RHOD: variants seen among roughly 807,000 people sequenced by gnomAD.
RHOD encodes the protein ras homolog family member D.
RHOD carries 11 observed loss-of-function variants against 16.7 expected under a neutral mutation model. That is an observed-to-expected ratio of 0.66 (90% CI 0.41 to 1.09). The LOEUF is 1.09. Ranked by LOEUF, RHOD falls within the 50% of genes least tolerant of loss-of-function variation. RHOD has a pLI of 0.00. For synonymous variants in RHOD, 124 were observed against 126.3 expected, an observed-to-expected ratio of 0.98 and a Z score of 0.12; for missense variants, 271 against 291.7, an observed-to-expected ratio of 0.93 and a Z score of 0.52.
intron 1 of RHOD, among the ~76,000 whole-genome samples, chr11:67,062,653 C>G (rs1170657760): frequency 6.6e-6 from 1 of 152,230 alleles, no homozygotes; most frequent in Non-Finnish European, 1.5e-5. Flanking sequence ...GGTGCTGACC[C>G]ACTGCTCAGG....
At chr11:67,070,306 G>C in intron 3 of RHOD, 119 bp from the exon 4 acceptor site, 1 of 1,059,338 alleles carries the variant, frequency 9.4e-7, no homozygotes, top group Non-Finnish European at 1.4e-6. Flanking sequence ...CTAGGTGCTG[G>C]CTTTGCTGAT....
At position 67,067,759 on chromosome 11, in the gene RHOD, CT is replaced by C. The variant is rs1031711417; in HGVS notation, c.330+914del. Among the ~76,000 whole-genome samples, 9 of 151,502 alleles carry C rather than the reference CT, an allele frequency of 5.9e-5. No homozygotes were observed. In the Admixed American group the frequency reaches 6.0e-4, roughly 10 times the overall value. ...CGGAGTTTGCTGATGATCAGAGTTT[CT>C]TGTTGGATTGGATGTGGGTGGGAGG... On this transcript the variant is annotated intron_variant, in intron 3 of 4. Coordinates refer to ENST00000308831, the MANE Select transcript of RHOD (RefSeq NM_014578.4).
In RHOD at chr11:67,071,703, C is replaced by T; in HGVS notation, c.*101C>T. ...GTCCCTAGGCTGTGACCGCCGAACT[C>T]CACTGCAACAGACGGGCGCCACCAA... is the stretch of plus-strand genomic sequence containing the variant. On this transcript the variant is annotated 3_prime_UTR_variant, in exon 5 of 5. Coordinates refer to ENST00000308831, the MANE Select transcript of RHOD (RefSeq NM_014578.4). 8.1e-7 allele frequency: 1 copy of T among 1,231,030 alleles called. No homozygotes were observed. The highest frequency in any genetic ancestry group is 1.1e-6 in the Non-Finnish European group (1 of 910,862). 76.3% of individuals were successfully genotyped at this position (1,231,030 alleles called of 1,614,324 possible).
At chr11:67,058,530 C>T (rs1347183138) in intron 1 of RHOD, among the ~76,000 whole-genome samples, 1 of 152,158 alleles carries the variant, frequency 6.6e-6, no homozygotes, top group Non-Finnish European at 1.5e-5. Context: ...AGGCTGGTCT[C>T]GAACTCCTGG....
intron 4 of RHOD, 61 bp from the exon 5 acceptor site, chr11:67,071,374 C>T: frequency 4.1e-6 from 6 of 1,460,610 alleles, no homozygotes; most frequent in Non-Finnish European, 5.4e-6. Flanking sequence ...GAAAAGGAAG[C>T]GAGAACGTGA....
intron 1 of RHOD, among the ~76,000 whole-genome samples, chr11:67,062,404 G>A (rs888169528): frequency 1.3e-5 from 2 of 152,246 alleles, no homozygotes; most frequent in African/African-American, 4.8e-5. Flanking sequence ...CACTGCCCTG[G>A]CAAAGGCAAA....
At position 67,063,467 on chromosome 11, in the gene RHOD, T is replaced by C. The variant is rs563007153; in HGVS notation, c.133-2429T>C. Among the ~76,000 whole-genome samples the C allele has an allele frequency of 1.5e-4, 22 of 146,730 alleles. No individual in the cohort carries two copies. The East Asian group carries it at 4.2e-3, about 28-fold the overall frequency. On this transcript the variant is annotated intron_variant, in intron 1 of 4. Coordinates refer to ENST00000308831, the MANE Select transcript of RHOD (RefSeq NM_014578.4). ...AAGATCGCACCACTGCACTCAGGCC[T>C]GGGTGACAGAGTGAGACCCTATCTT...
Position 67,071,885 on chromosome 11 carries a change from GCC to G in RHOD, c.*287_*288del. On this transcript the variant is annotated 3_prime_UTR_variant, in exon 5 of 5. Coordinates refer to ENST00000308831, the MANE Select transcript of RHOD (RefSeq NM_014578.4). The stretch of plus-strand genomic sequence containing the variant: ...CCTGGAGCCGCCTGTGCAGCCTGAT[GCC>G]CCCTCGTGGCTGCTCCCAGGGCTGC... The G allele has an allele frequency of 2.6e-6, 1 of 389,636 alleles. No individual in the cohort carries two copies. Among genetic ancestry groups the G allele is most frequent in the South Asian group, 7.8e-5 (1 of 12,770 alleles). The allele number at this position is 389,636 out of a possible 1,614,324, so 24.1% of individuals were successfully genotyped here. A position where few individuals can be genotyped will look rare whatever the true frequency, so the allele number is the denominator to read the frequency against.
intron 3 of RHOD, 146 bp from the exon 4 acceptor site, chr11:67,070,279 T>G (rs1164111940): frequency 1.2e-6 from 1 of 851,490 alleles, no homozygotes. Context: ...GAGGTTCTGG[T>G]ACCAAATAGT....
intron 1 of RHOD, among the ~76,000 whole-genome samples, chr11:67,064,125 G>T (rs1854928344): frequency 8.8e-6 from 1 of 113,356 alleles, no homozygotes; most frequent in Admixed American, 1.0e-4. Context: ...AAAAAAAAAA[G>T]GCCGGGCGCG....
At chr11:67,062,927 C>G (rs1456116283) in intron 1 of RHOD, among the ~76,000 whole-genome samples, 13 of 152,204 alleles carry the variant, frequency 8.5e-5, no homozygotes, top group Non-Finnish European at 1.5e-4. Flanking sequence ...ACAAAAGCTC[C>G]CTCTTCATTC....
At chr11:67,070,224 A>G (rs2136249938) in intron 3 of RHOD, 1 of 671,756 alleles carries the variant, frequency 1.5e-6, no homozygotes, top group South Asian at 1.5e-5. Flanking sequence ...ACTTGCTGCC[A>G]CGGCCTCGGG....
intron 1 of RHOD, among the ~76,000 whole-genome samples, chr11:67,060,466 G>A (rs1414295918): frequency 3.9e-5 from 6 of 152,196 alleles, no homozygotes; most frequent in Non-Finnish European, 1.5e-5. Flanking sequence ...GAGTCTCTAG[G>A]ATGACGTCCC....
rs60790887 is a variant in RHOD at position 67,057,846 on chromosome 11, G to A, written c.132+812G>A. Among the ~76,000 whole-genome samples the A allele has an allele frequency of 7.7e-3, 1,179 of 152,292 alleles. 13 individuals are homozygous for A. The highest frequency in any genetic ancestry group is 0.026 in the African/African-American group (1,097 of 41,566). ...GTGCGGTAGCTGGCATGTCCTTGGC[G>A]CTGTAGGCATGCCCACCGTTAATCC... On this transcript the variant is annotated intron_variant, in intron 1 of 4. Coordinates refer to ENST00000308831, the MANE Select transcript of RHOD (RefSeq NM_014578.4).
chr11:67,057,094 C>T, intron 1 of RHOD, 60 bp downstream of exon 1: 1 of 1,359,158 alleles, frequency 7.4e-7, no homozygotes, highest in Non-Finnish European at 9.4e-7. Flanking sequence ...TGTACAGGTC[C>T]GTGCCGGAGC....
At chr11:67,063,138 C>T (rs1398880128) in intron 1 of RHOD, among the ~76,000 whole-genome samples, 1 of 152,026 alleles carries the variant, frequency 6.6e-6, no homozygotes, top group African/African-American at 2.4e-5. Flanking sequence ...ACCTGTAATC[C>T]CAGCACTTTG....
rs925473973 is a variant in RHOD, at chr11:67,071,720, C to T, written c.*118C>T. The T allele has an allele frequency of 3.1e-5, 35 of 1,119,982 alleles. No homozygotes were observed. The highest frequency in any genetic ancestry group is 4.2e-5 in the Non-Finnish European group (34 of 813,636). 69.4% of individuals were successfully genotyped at this position (1,119,982 alleles called of 1,614,324 possible). ...GCCGAACTCCACTGCAACAGACGGG[C>T]GCCACCAAAGCCAGGCCCTGAGGCC... is the stretch of plus-strand genomic sequence containing the variant. On this transcript the variant is annotated 3_prime_UTR_variant, in exon 5 of 5. Transcript: ENST00000308831.
intron 3 of RHOD, 58 bp from the exon 4 acceptor site, chr11:67,070,367 G>T (rs1855012902): frequency 2.8e-5 from 45 of 1,587,162 alleles, no homozygotes; most frequent in Non-Finnish European, 3.8e-5. Flanking sequence ...CCACTGAGAG[G>T]GCCAGAACTC....
At chr11:67,060,428 A>G (rs545775889) in intron 1 of RHOD, among the ~76,000 whole-genome samples, 1 of 152,348 alleles carries the variant, frequency 6.6e-6, no homozygotes, top group Admixed American at 6.5e-5. Context: ...CTGGGGGTCA[A>G]AGAACAACAC....
Sources: gnomAD v4.1 joint callset for allele counts (sites outside exome capture counted in the v4.1 genomes callset) on GRCh38, gnomAD v4.1.1 for gene constraint, MANE v1.5 for transcripts, NCBI Gene and HGNC (gene_info 2026-07-23, HGNC 2026-07-21) for gene names.